The following HPCAL1 variants were observed in gnomAD, a reference collection of about 807,000 sequenced individuals.
The protein encoded by HPCAL1 is hippocalcin-like protein 1.
In HPCAL1, 8 loss-of-function variants were observed where a neutral mutation model predicts 17.1. That is an observed-to-expected ratio of 0.47 (90% CI 0.27 to 0.84). The LOEUF (loss-of-function observed/expected upper bound fraction) is 0.84, where lower values mean the gene tolerates loss of function less well. Ranked by LOEUF, HPCAL1 falls within the 40% of genes least tolerant of loss-of-function variation. The pLI is 0.13. For missense variants in HPCAL1, 165 were observed against 271.1 expected, an observed-to-expected ratio of 0.61 and a Z score of 2.75; for synonymous variants, 112 against 111.4, an observed-to-expected ratio of 1.01 and a Z score of -0.03.
chr2:10,347,241 T>C (rs1006111598), intron 1 of HPCAL1, among the ~76,000 whole-genome samples: 12 of 152,078 alleles, frequency 7.9e-5, no homozygotes, highest in Admixed American at 4.6e-4. Flanking sequence ...CCTTCCGTCG[T>C]TGGCTTGGTC....
intron 1 of HPCAL1, among the ~76,000 whole-genome samples, chr2:10,327,260 A>C (rs886675407): frequency 6.6e-6 from 1 of 152,190 alleles, no homozygotes; most frequent in Non-Finnish European, 1.5e-5. Flanking sequence ...GTTAAACAGA[A>C]TTTCAAAACA....
At chr2:10,400,650 C>G (rs1349382689) in intron 2 of HPCAL1, among the ~76,000 whole-genome samples, 5 of 152,204 alleles carry the variant, frequency 3.3e-5, no homozygotes, top group African/African-American at 1.2e-4. Context: ...CTTGGGATGA[C>G]TTGGCAGTAT....
Position 10,376,845 on chromosome 2 carries a change from T to C in HPCAL1, c.-110-19990T>C, listed in dbSNP as rs139157782. ...GTATATAATACAATACATACCGTAT[T>C]GTATTGTGTGTAGTACAATACATAG... On this transcript the variant is annotated intron_variant, in intron 1 of 4. Transcript: ENST00000307845. Among the ~76,000 whole-genome samples the C allele has an allele frequency of 4.0e-3, 510 of 128,748 alleles. 7 individuals are homozygous for C. Among genetic ancestry groups the C allele is most frequent in the South Asian group, 0.022 (79 of 3,632 alleles). 84.5% of individuals were successfully genotyped at this position (128,748 alleles called of 152,430 possible).
chr2:10,332,116 C>T (rs1004020274), intron 1 of HPCAL1, among the ~76,000 whole-genome samples: 1 of 152,262 alleles, frequency 6.6e-6, no homozygotes. Context: ...GTCAGGTGTA[C>T]TCACTTTGCT....
Position 10,394,886 on chromosome 2 carries a change from T to G in HPCAL1, c.-110-1949T>G, listed in dbSNP as rs994731732. On this transcript the variant is annotated intron_variant, in intron 1 of 4. Transcript: ENST00000307845. This position sits in a 1 kb window ranked among gnomAD's most constrained non-coding sequence, Gnocchi z 5.0. ...TCTCGGCTCACTGCAACCTCAGCCTTCTGGGCCCAGGTGATCTTCCCACCT... is the reference window on the plus strand; with the variant it reads ...TCTCGGCTCACTGCAACCTCAGCCTGCTGGGCCCAGGTGATCTTCCCACCT... Among the ~76,000 whole-genome samples, 3 of 150,706 alleles carry G rather than the reference T, an allele frequency of 2.0e-5. No individual in the cohort carries two copies. The highest frequency in any genetic ancestry group is 3.0e-5 in the Non-Finnish European group (2 of 67,544).
chr2:10,350,463 C>T (rs972569974), intron 1 of HPCAL1, among the ~76,000 whole-genome samples: 3 of 151,978 alleles, frequency 2.0e-5, no homozygotes, highest in Non-Finnish European at 4.4e-5. Flanking sequence ...AGGTGCATGC[C>T]ACCATGCCTG....
chr2:10,398,015 GC>G (rs888309704), intron 2 of HPCAL1, among the ~76,000 whole-genome samples: 3 of 152,178 alleles, frequency 2.0e-5, no homozygotes, highest in African/African-American at 7.2e-5. Flanking sequence ...GGACCTGGCT[GC>G]CCCACAGCTC....
chr2:10,309,789 G>C (rs1409694564), intron 1 of HPCAL1, among the ~76,000 whole-genome samples: 2 of 152,202 alleles, frequency 1.3e-5, no homozygotes, highest in Non-Finnish European at 1.5e-5. Flanking sequence ...TTGAGGAAGA[G>C]AGCAGAGGAT....
At chr2:10,357,785 A>G (rs1666257400) in intron 1 of HPCAL1, among the ~76,000 whole-genome samples, 1 of 152,164 alleles carries the variant, frequency 6.6e-6, no homozygotes, top group Admixed American at 6.5e-5. Flanking sequence ...CGACTGTAAC[A>G]ACAACAAAAC....
At chr2:10,415,202 C>T (rs984175277) in intron 2 of HPCAL1, among the ~76,000 whole-genome samples, 1 of 152,184 alleles carries the variant, frequency 6.6e-6, no homozygotes, top group African/African-American at 2.4e-5. Flanking sequence ...TGCCCCAGGC[C>T]GCATGGAGGG....
rs188407363 is a variant in HPCAL1, at chr2:10,309,420, G to T, written c.-111+6243G>T. Among the ~76,000 whole-genome samples, 255 of 152,352 alleles carry T rather than the reference G, an allele frequency of 1.7e-3. 1 individual carries two copies. Among genetic ancestry groups the T allele is most frequent in the African/African-American group, 4.8e-3 (198 of 41,578 alleles). ...CATCAGCAGAAAGTAGAAGGATCAA[G>T]AATTAAACGAGGTCACTTTCTCTTC... On this transcript the variant is annotated intron_variant, in intron 1 of 4. Coordinates refer to ENST00000307845, the MANE Select transcript of HPCAL1 (RefSeq NM_002149.4).
chr2:10,354,648 C>T lies in HPCAL1; in HGVS notation c.-110-42187C>T, dbSNP rs994507474. ...TTCTCACATTCTTTCCATTGTCCGA[C>T]GCACTGAGGCAGAGACAGGAATTTT... On this transcript the variant is annotated intron_variant, in intron 1 of 4. Coordinates refer to ENST00000307845, the MANE Select transcript of HPCAL1 (RefSeq NM_002149.4). This position sits in a 1 kb window ranked among gnomAD's most constrained non-coding sequence, Gnocchi z 5.1. Among the ~76,000 whole-genome samples the T allele has an allele frequency of 2.6e-5, 4 of 152,222 alleles. No homozygotes were observed. Among genetic ancestry groups the T allele is most frequent in the African/African-American group, 4.8e-5 (2 of 41,464 alleles).
At chr2:10,399,241 TC>T (rs1669291860) in intron 2 of HPCAL1, among the ~76,000 whole-genome samples, 1 of 12,032 alleles carries the variant, frequency 8.3e-5, no homozygotes, top group African/African-American at 2.5e-4. Flanking sequence ...ACCACCACCA[TC>T]ACCACCACCA....
chr2:10,333,069 C>T (rs1272806093), intron 1 of HPCAL1, among the ~76,000 whole-genome samples: 3 of 151,632 alleles, frequency 2.0e-5, no homozygotes, highest in Non-Finnish European at 4.4e-5. Context: ...TGCCTGAGCC[C>T]CATGACGCCT....
At chr2:10,329,947 C>T (rs1294093981) in intron 1 of HPCAL1, among the ~76,000 whole-genome samples, 2 of 152,222 alleles carry the variant, frequency 1.3e-5, no homozygotes, top group Non-Finnish European at 2.9e-5. Flanking sequence ...GAGGCCATAT[C>T]GAGCAGGGTA....
intron 1 of HPCAL1, among the ~76,000 whole-genome samples, chr2:10,348,376 G>C (rs1298347248): frequency 6.6e-6 from 1 of 152,168 alleles, no homozygotes. Context: ...TTGAACTCAA[G>C]AGGCGGAGGT....
chr2:10,378,631 C>A (rs760037574), intron 1 of HPCAL1, among the ~76,000 whole-genome samples: 1 of 152,126 alleles, frequency 6.6e-6, no homozygotes, highest in Non-Finnish European at 1.5e-5. Flanking sequence ...GACCTCACCG[C>A]AACCTAATTA....
At chr2:10,398,598 G>A (rs767032450) in intron 2 of HPCAL1, among the ~76,000 whole-genome samples, 1 of 152,152 alleles carries the variant, frequency 6.6e-6, no homozygotes. Flanking sequence ...CAGACCCCGG[G>A]CGTGGCTGCT....
Position 10,359,013 on chromosome 2 carries a change from CCGTCTG to C in HPCAL1, c.-110-37820_-110-37815del. Among the ~76,000 whole-genome samples, 1 of 146,900 alleles carries C rather than the reference CCGTCTG, an allele frequency of 6.8e-6. No homozygotes were observed. Among genetic ancestry groups the C allele is most frequent in the African/African-American group, 2.7e-5 (1 of 36,996 alleles). On this transcript the variant is annotated intron_variant, in intron 1 of 4. Transcript: ENST00000307845. The surrounding 1 kb of genome is among the most constrained non-coding windows in gnomAD (Gnocchi z 4.1). ...ATGGGGTTGGAGCCCCACAGCCTGCCCGTCTGCATGCTCCCCTTGAGGTTTGACCCG... is the reference window on the plus strand; with the variant it reads ...ATGGGGTTGGAGCCCCACAGCCTGCCCATGCTCCCCTTGAGGTTTGACCCG...
Sources: allele counts gnomAD v4.1 joint callset (sites outside exome capture counted in the v4.1 genomes callset), GRCh38; gene constraint gnomAD v4.1.1; non-coding constraint Gnocchi (gnomAD v3.1); transcripts MANE v1.5; gene names NCBI Gene and HGNC (gene_info 2026-07-23, HGNC 2026-07-21).